The following DUSP29 variants were observed in gnomAD, a reference collection of about 807,000 sequenced individuals.
DUSP29 encodes the protein atypical dual-specific protein phosphatase.
In DUSP29, 12 loss-of-function variants were observed where a neutral mutation model predicts 13.5. The observed-to-expected ratio is 0.89, with a 90% confidence interval of 0.57 to 1.44. The LOEUF (loss-of-function observed/expected upper bound fraction) is 1.44. Among genes scored for constraint, DUSP29 ranks in the 40% most tolerant of loss-of-function variants. The pLI is 0.00. For missense variants in DUSP29, 308 were observed against 301.1 expected, an observed-to-expected ratio of 1.02 and a Z score of -0.17; for synonymous variants, 134 against 128.7, an observed-to-expected ratio of 1.04 and a Z score of -0.28.
chr10:75,071,997 T>C (rs1410154747), intron 1 of DUSP29, among the ~76,000 whole-genome samples: 1 of 152,146 alleles, frequency 6.6e-6, no homozygotes, highest in African/African-American at 2.4e-5. Context: ...GCCAGAGCGG[T>C]TGGAGGAGAA....
At chr10:75,053,717 G>C (rs1457354587) in intron 2 of DUSP29, among the ~76,000 whole-genome samples, 1 of 149,502 alleles carries the variant, frequency 6.7e-6, no homozygotes, top group South Asian at 2.1e-4. Flanking sequence ...ATCTGGATTT[G>C]AGTATAAATT....
At chr10:75,039,472 C>T (rs1203657377) in intron 3 of DUSP29, among the ~76,000 whole-genome samples, 1 of 152,086 alleles carries the variant, frequency 6.6e-6, no homozygotes, top group Non-Finnish European at 1.5e-5. Flanking sequence ...GCTGAGATCG[C>T]GCCACTACAC....
chr10:75,072,616 G>GT (rs1847355268), intron 1 of DUSP29, among the ~76,000 whole-genome samples: 3 of 152,008 alleles, frequency 2.0e-5, no homozygotes, highest in African/African-American at 4.8e-5. Flanking sequence ...GAACAAGGAG[G>GT]GATCACAAGC....
At chr10:75,065,465 A>G (rs985122081) in intron 1 of DUSP29, among the ~76,000 whole-genome samples, 2 of 151,864 alleles carry the variant, frequency 1.3e-5, no homozygotes, top group Admixed American at 1.3e-4. Context: ...AGTAGCTGAC[A>G]CTACAGGCAC....
intron 3 of DUSP29, among the ~76,000 whole-genome samples, chr10:75,043,550 A>T (rs1283628762): frequency 6.6e-6 from 1 of 152,206 alleles, no homozygotes; most frequent in African/African-American, 2.4e-5. Context: ...CACAGCTTCC[A>T]GGGGCTCGGA....
At chr10:75,067,586 C>G (rs1847232717) in intron 1 of DUSP29, among the ~76,000 whole-genome samples, 1 of 152,180 alleles carries the variant, frequency 6.6e-6, no homozygotes, top group Non-Finnish European at 1.5e-5. Context: ...GACTCCAAAG[C>G]TTTACCGTGT....
At chr10:75,048,447 C>CA (rs1330103857) in intron 2 of DUSP29, among the ~76,000 whole-genome samples, 3 of 149,486 alleles carry the variant, frequency 2.0e-5, no homozygotes, top group Non-Finnish European at 4.4e-5. Flanking sequence ...GGCTGGAGTG[C>CA]AGTGGCGCAA....
At chr10:75,048,340 T>G (rs976972776) in intron 2 of DUSP29, among the ~76,000 whole-genome samples, 6 of 152,110 alleles carry the variant, frequency 3.9e-5, no homozygotes, top group Non-Finnish European at 8.8e-5. Flanking sequence ...TTTTTTTTTT[T>G]GTAACCTTTT....
chr10:75,068,493 T>C (rs1340147950), intron 1 of DUSP29, among the ~76,000 whole-genome samples: 1 of 152,084 alleles, frequency 6.6e-6, no homozygotes, highest in East Asian at 1.9e-4. Flanking sequence ...AAAATCCTCC[T>C]CTCCCTTCGA....
rs146856636 is a variant in DUSP29, at chr10:75,043,830, C to T, written c.388G>A (p.Ala130Thr). Residue 130 changes from alanine (A) to threonine (T), a missense_variant, in exon 3 of 4, where the codon GCC becomes ACC. Coordinates refer to ENST00000338487, the MANE Select transcript of DUSP29 (RefSeq NM_001003892.3). Reference sequence around the variant, plus strand: ...TCGCTTAGCGCTCTGTCGATGAAGGCTGCCGCCGGGTAGAAGAAGACACTG... The same window carrying T: ...TCGCTTAGCGCTCTGTCGATGAAGGTTGCCGCCGGGTAGAAGAAGACACTG... ...DLSVFFYPAA[A>T]FIDRALSDDH... 28 of 1,613,666 alleles carry T rather than the reference C, an allele frequency of 1.7e-5. No homozygotes were observed. In the African/African-American group the frequency reaches 1.7e-4, roughly 10 times the overall value.
At chr10:75,062,155 C>T (rs544410147) in intron 1 of DUSP29, among the ~76,000 whole-genome samples, 26 of 152,294 alleles carry the variant, frequency 1.7e-4, no homozygotes, top group African/African-American at 5.5e-4. Flanking sequence ...TAAGAGCATA[C>T]GTAGTTATAG....
intron 2 of DUSP29, among the ~76,000 whole-genome samples, chr10:75,050,877 G>A (rs779682135): frequency 2.0e-5 from 3 of 152,218 alleles, no homozygotes; most frequent in Non-Finnish European, 2.9e-5. Flanking sequence ...CACCCTCCAC[G>A]TTGCCCTCCT....
intron 2 of DUSP29, among the ~76,000 whole-genome samples, chr10:75,049,176 A>G (rs1353060620): frequency 6.7e-6 from 1 of 148,576 alleles, no homozygotes; most frequent in Non-Finnish European, 1.5e-5. Context: ...AACGAGTCAT[A>G]TATTCATTTA....
chr10:75,044,798 C>T (rs932069227), intron 2 of DUSP29, among the ~76,000 whole-genome samples: 1 of 152,110 alleles, frequency 6.6e-6, no homozygotes, highest in Non-Finnish European at 1.5e-5. Flanking sequence ...GATGGGCTGC[C>T]AGAGGAAACA....
chr10:75,049,027 G>T (rs1241664765), intron 2 of DUSP29, among the ~76,000 whole-genome samples: 1 of 152,218 alleles, frequency 6.6e-6, no homozygotes, highest in Non-Finnish European at 1.5e-5. Flanking sequence ...GAGGTTAAAA[G>T]ATGACTCCAA....
At chr10:75,070,242 T>C (rs1196319192) in intron 1 of DUSP29, among the ~76,000 whole-genome samples, 2 of 151,572 alleles carry the variant, frequency 1.3e-5, no homozygotes, top group Non-Finnish European at 2.9e-5. Flanking sequence ...TAGTAAAGGG[T>C]GCAAATAGGA....
At chr10:75,072,646 A>G (rs959156534) in intron 1 of DUSP29, among the ~76,000 whole-genome samples, 3 of 152,080 alleles carry the variant, frequency 2.0e-5, no homozygotes, top group Non-Finnish European at 2.9e-5. Context: ...GGGCAGCGGA[A>G]AAAACATCCA....
chr10:75,055,171 A>G (rs991179001), intron 2 of DUSP29, among the ~76,000 whole-genome samples: 3 of 151,850 alleles, frequency 2.0e-5, no homozygotes, highest in African/African-American at 7.3e-5. Flanking sequence ...AATATTTACT[A>G]CATTTATTTA....
At chr10:75,052,968 C>A (rs766363111) in intron 2 of DUSP29, among the ~76,000 whole-genome samples, 63 of 152,200 alleles carry the variant, frequency 4.1e-4, no homozygotes, top group Admixed American at 8.5e-4. Flanking sequence ...TCTAAATCAG[C>A]TTATGGTTTG....
Sources: allele counts gnomAD v4.1 joint callset (sites outside exome capture counted in the v4.1 genomes callset), GRCh38; gene constraint gnomAD v4.1.1; transcripts MANE v1.5; gene names NCBI Gene and HGNC (gene_info 2026-07-23, HGNC 2026-07-21).